DST: variants seen among roughly 807,000 people sequenced by gnomAD.
The protein encoded by DST is bullous pemphigoid antigen.
DST carries 253 observed loss-of-function variants against 875.2 expected under a neutral mutation model. The ratio of observed to expected loss-of-function variants is 0.29; its 90% CI spans 0.26 to 0.32. DST has a LOEUF of 0.32. DST is among the 10% of genes least tolerant of loss of function. The pLI is 1.00. For synonymous variants in DST, 3,124 were observed against 3,197.1 expected, an observed-to-expected ratio of 0.98 and a Z score of 0.77; for missense variants, 8,287 against 9,111.6, an observed-to-expected ratio of 0.91 and a Z score of 3.68.
At chr6:56,881,701 ACTCC>A (rs1354904138) in intron 3 of DST, among the ~76,000 whole-genome samples, 2 of 152,086 alleles carry the variant, frequency 1.3e-5, no homozygotes, top group Non-Finnish European at 2.9e-5. Context: ...TCAGCCTTTT[ACTCC>A]TAAAAACAGG....
intron 4 of DST, among the ~76,000 whole-genome samples, chr6:56,807,898 A>G (rs756955194): frequency 6.6e-6 from 1 of 152,174 alleles, no homozygotes; most frequent in African/African-American, 2.4e-5. Flanking sequence ...TCCCAATAAA[A>G]ATTTTTTGCT....
intron 61 of DST, among the ~76,000 whole-genome samples, chr6:56,544,017 T>G (rs1415126666): frequency 6.6e-6 from 1 of 152,208 alleles, no homozygotes; most frequent in South Asian, 2.1e-4. Flanking sequence ...TTTAAAAATA[T>G]CCATCCACAT....
chr6:56,638,357 C>A (rs371098784), intron 22 of DST, among the ~76,000 whole-genome samples: 1 of 152,018 alleles, frequency 6.6e-6, no homozygotes, highest in African/African-American at 2.4e-5. Flanking sequence ...GACACAAAAC[C>A]GTATTTTATA....
chr6:56,878,601 A>G (rs1159206059), intron 3 of DST, among the ~76,000 whole-genome samples: 4 of 152,152 alleles, frequency 2.6e-5, no homozygotes, highest in African/African-American at 9.7e-5. Flanking sequence ...ACAAGCAAAG[A>G]AAAATCTTTT....
At position 56,634,125 on chromosome 6, in the gene DST, T is replaced by C. The variant is rs2098806776; in HGVS notation, c.3621+7A>G. 5 of 1,612,826 alleles carry C rather than the reference T, an allele frequency of 3.1e-6. No individual in the cohort carries two copies. The highest frequency in any genetic ancestry group is 1.3e-5 in the African/African-American group (1 of 74,936). Reference sequence around the variant, plus strand: ...CATATCGAGTTGACATACAGATTCATACTTACTGAAGCCACATTGCTAGCT... The same window carrying C: ...CATATCGAGTTGACATACAGATTCACACTTACTGAAGCCACATTGCTAGCT... On this transcript the variant is annotated splice_region_variant and intron_variant, in intron 27 of 103. Coordinates refer to ENST00000680361, the MANE Select transcript of DST (RefSeq NM_001374736.1).
rs779500842 is a variant in DST at position 56,553,465 on chromosome 6, A to G, written c.15327T>C (p.Ala5109=). 9.3e-6 allele frequency: 15 copies of G among 1,613,024 alleles called. No homozygotes were observed. In the African/African-American group the frequency reaches 1.5e-4, roughly 16 times the overall value. ...TGGTTTTTTCATACATATGAGACTG[A>G]GCGGTCAAAGTTTTACTAAAGTCTT... is the stretch of plus-strand genomic sequence containing the variant. ...DHKDFSKTLT[A]QSHMYEKTIA... The change falls in exon 61 of 104, where the codon GCT becomes GCC. Residue 5109 remains alanine, a synonymous_variant. Transcript: ENST00000680361.
chr6:56,477,808 T>C (rs552170418), intron 90 of DST, among the ~76,000 whole-genome samples: 4 of 152,320 alleles, frequency 2.6e-5, no homozygotes, highest in South Asian at 4.1e-4. Context: ...ATGACCTAAG[T>C]ACATCCTCCC....
chr6:56,664,960 G>A (rs1467818776), intron 10 of DST, among the ~76,000 whole-genome samples: 1 of 152,116 alleles, frequency 6.6e-6, no homozygotes, highest in East Asian at 1.9e-4. Flanking sequence ...GTATTTATCA[G>A]TGACCTATTT....
At chr6:56,480,850 A>G (rs2095378639) in intron 90 of DST, among the ~76,000 whole-genome samples, 1 of 152,124 alleles carries the variant, frequency 6.6e-6, no homozygotes, top group South Asian at 2.1e-4. Flanking sequence ...TGTCCAGCAA[A>G]TATTTATTGC....
chr6:56,489,416 T>G (rs1466566107), intron 86 of DST, 74 bp downstream of exon 86: 1 of 1,433,842 alleles, frequency 7.0e-7, no homozygotes, highest in Non-Finnish European at 9.2e-7. Flanking sequence ...AATAAACACG[T>G]GATGAAGTAA....
At chr6:56,545,293 T>A (rs2097204972) in intron 61 of DST, among the ~76,000 whole-genome samples, 1 of 152,050 alleles carries the variant, frequency 6.6e-6, no homozygotes, top group South Asian at 2.1e-4. Flanking sequence ...CATGACCCAC[T>A]GTGCCCAGCC....
At chr6:56,882,795 G>GA (rs1782825819) in intron 3 of DST, among the ~76,000 whole-genome samples, 1 of 152,252 alleles carries the variant, frequency 6.6e-6, no homozygotes, top group African/African-American at 2.4e-5. Context: ...TATTTACTAA[G>GA]AAAAAATTGT....
chr6:56,757,243 C>T (rs151202573), intron 4 of DST, among the ~76,000 whole-genome samples: 39 of 152,286 alleles, frequency 2.6e-4, no homozygotes, highest in Middle Eastern at 6.8e-3. Flanking sequence ...AAAACACTGA[C>T]AGTCTGTACA....
At chr6:56,610,118 T>C (rs1024400519) in intron 39 of DST, among the ~76,000 whole-genome samples, 7 of 152,160 alleles carry the variant, frequency 4.6e-5, no homozygotes, top group African/African-American at 1.7e-4. Flanking sequence ...TTTTATAGCC[T>C]ATAATATAAT....
chr6:56,945,251 G>C (rs1282658118), intron 2 of DST, among the ~76,000 whole-genome samples: 1 of 152,098 alleles, frequency 6.6e-6, no homozygotes, highest in Admixed American at 6.6e-5. Context: ...GTTGGGGAAG[G>C]GGATGCAGAG....
At chr6:56,641,830 TAAAA>T (rs1196707454) in intron 17 of DST, 113 bp downstream of exon 17, 1 of 842,188 alleles carries the variant, frequency 1.2e-6, no homozygotes, top group East Asian at 2.8e-5. Flanking sequence ...CATTTTCAAC[TAAAA>T]AACAGCAAAG....
Position 56,946,684 on chromosome 6 carries a change from G to A in DST, c.216+7101C>T, listed in dbSNP as rs568043901. 3.9e-5 allele frequency among the ~76,000 whole-genome samples: 6 copies of A among 152,324 alleles called. No homozygotes were observed. The South Asian group carries it at 6.2e-4, about 16-fold the overall frequency. On this transcript the variant is annotated intron_variant, in intron 2 of 103. Transcript: ENST00000680361. Reference sequence around the variant, plus strand: ...GGAAGGCTAAGATGCCAGTTAGTTCGTAGGTGCAATAAGTTTAAGGAGCTA... The same window carrying A: ...GGAAGGCTAAGATGCCAGTTAGTTCATAGGTGCAATAAGTTTAAGGAGCTA...
At chr6:56,919,076 T>A (rs571816912) in intron 2 of DST, among the ~76,000 whole-genome samples, 1 of 152,264 alleles carries the variant, frequency 6.6e-6, no homozygotes, top group Non-Finnish European at 1.5e-5. Context: ...TATATGTATT[T>A]CTTATTGATT....
At chr6:56,565,790 G>T (rs537689404) in intron 55 of DST, among the ~76,000 whole-genome samples, 1 of 152,290 alleles carries the variant, frequency 6.6e-6, no homozygotes, top group East Asian at 1.9e-4. Flanking sequence ...TGCTGAAGCT[G>T]CTCCCACAGC....
Sources: allele counts gnomAD v4.1 joint callset (sites outside exome capture counted in the v4.1 genomes callset), GRCh38; gene constraint gnomAD v4.1.1; transcripts MANE v1.5; gene names NCBI Gene and HGNC (gene_info 2026-07-23, HGNC 2026-07-21).